Variants in CEBPZOS observed in about 807,000 individuals in gnomAD.
CEBPZOS encodes the protein protein CEBPZOS.
Under a neutral mutation model 4.8 loss-of-function variants are expected in CEBPZOS, and 10 were observed. The observed-to-expected ratio is 2.07, with a 90% CI of 1.28 to 3.52. The LOEUF is 3.52. Among genes scored for constraint, CEBPZOS ranks in the 30% most tolerant of loss-of-function variants. CEBPZOS has a pLI of 0.00. For synonymous variants in CEBPZOS, 25 were observed against 14.2 expected (o/e 1.77, Z -1.72); for missense variants, 98 against 43.6 (o/e 2.25, Z -3.51).
chr2:37,197,279 AG>A (rs1282499310), intron 1 of CEBPZOS: 2 of 152,242 alleles, frequency 1.3e-5, no homozygotes, highest in Non-Finnish European at 2.9e-5. Context: ...TCTGTAGCAA[AG>A]GAACTTGAAG....
chr2:37,210,945 T>G, intron 4 of CEBPZOS: 2 of 1,264,578 alleles, frequency 1.6e-6, no homozygotes, highest in Non-Finnish European at 2.2e-6. Context: ...AAAATGATAA[T>G]GACACCTTTC....
chr2:37,214,136 A>T (rs1677808571), downstream of CEBPZOS, among the ~76,000 whole-genome samples: 1 of 152,220 alleles, frequency 6.6e-6, no homozygotes, highest in South Asian at 2.1e-4. Context: ...TAACTCAATA[A>T]AAAGTAGCTG....
In CEBPZOS at chr2:37,211,890, C is replaced by T. The variant is rs763933245; in HGVS notation, c.*3-1547C>T. ...ATCTAACACATCCATGAATGTTCCTCCATCTTCATCAACTTCAGCAAATTC... is the reference window on the plus strand; with the variant it reads ...ATCTAACACATCCATGAATGTTCCTTCATCTTCATCAACTTCAGCAAATTC... On this transcript the variant is annotated intron_variant, in intron 4 of 4. Coordinates refer to the CEBPZOS transcript ENST00000397064. 6 of 1,611,466 alleles carry T rather than the reference C, an allele frequency of 3.7e-6. No homozygotes were observed. The East Asian group carries it at 1.3e-4, about 36-fold the overall frequency.
chr2:37,197,101 AG>A (rs1676982405), intron 1 of CEBPZOS, among the ~76,000 whole-genome samples: 1 of 152,206 alleles, frequency 6.6e-6, no homozygotes, highest in Non-Finnish European at 1.5e-5. Flanking sequence ...CATGACACAC[AG>A]CCCTGCGCCG....
downstream of CEBPZOS, chr2:37,216,152 G>A (rs779593212): frequency 3.5e-5 from 57 of 1,610,876 alleles, no homozygotes; most frequent in Non-Finnish European, 4.4e-5. Flanking sequence ...GGAAGATGAC[G>A]AATATCCTTA....
At position 37,204,562 on chromosome 2, in the gene CEBPZOS, C is replaced by T. The variant is rs1677462455; in HGVS notation, c.*2702C>T. 6.6e-6 allele frequency: 1 copy of T among 152,336 alleles called. No homozygotes were observed. The highest frequency in any genetic ancestry group is 1.5e-5 in the Non-Finnish European group (1 of 68,138). 9.4% of individuals were successfully genotyped at this position (152,336 alleles called of 1,614,324 possible). The stretch of plus-strand genomic sequence containing the variant: ...AAGTGCTGGGATTACAGGCGTGAGC[C>T]ACTGCGCCCAGCCATTTTTGATTTT... On this transcript the variant is annotated 3_prime_UTR_variant, in exon 5 of 5. Transcript: ENST00000402297.
downstream of CEBPZOS, among the ~76,000 whole-genome samples, chr2:37,207,656 T>C (rs574598900): frequency 6.6e-6 from 1 of 152,306 alleles, no homozygotes; most frequent in East Asian, 1.9e-4. Context: ...AAAGCGGCAC[T>C]ACATTTAGTA....
At chr2:37,199,984 C>A (rs1677138909) in intron 2 of CEBPZOS, among the ~76,000 whole-genome samples, 165 bp downstream of exon 2, 1 of 152,162 alleles carries the variant, frequency 6.6e-6, no homozygotes, top group Admixed American at 6.5e-5. Flanking sequence ...TTATTGTGGA[C>A]TAGATCACTC....
At chr2:37,211,730 A>C (rs967430348) in intron 4 of CEBPZOS, 18 of 715,826 alleles carry the variant, frequency 2.5e-5, no homozygotes, top group Non-Finnish European at 3.7e-5. Flanking sequence ...TCTGGCTGAC[A>C]TGAGTATTAA....
rs201350166 is a variant in CEBPZOS at position 37,202,775 on chromosome 2, G to C, written c.*915G>C. Reference sequence around the variant, plus strand: ...TTAAAACATCAATAAAAAAATTTAAGTTACTTACTTGCATTATCTTTGTTA... The same window carrying C: ...TTAAAACATCAATAAAAAAATTTAACTTACTTACTTGCATTATCTTTGTTA... On this transcript the variant is annotated 3_prime_UTR_variant, in exon 5 of 5. Coordinates refer to ENST00000402297, the MANE Select transcript of CEBPZOS (RefSeq NM_001322374.2). 2 of 1,472,234 alleles carry C rather than the reference G, an allele frequency of 1.4e-6. No individual in the cohort carries two copies. Among genetic ancestry groups the C allele is most frequent in the South Asian group, 2.7e-5 (2 of 75,088 alleles). The allele number at this position is 1,472,234 out of a possible 1,614,324, so 91.2% of individuals were successfully genotyped here.
chr2:37,210,225 T>G (rs1284467152), intron 4 of CEBPZOS: 1 of 152,200 alleles, frequency 6.6e-6, no homozygotes, highest in Admixed American at 6.5e-5. Context: ...TGGAGAGTCC[T>G]TAAAGAACTG....
chr2:37,210,850 A>G (rs1677698228), intron 4 of CEBPZOS: 5 of 493,994 alleles, frequency 1.0e-5, no homozygotes, highest in Non-Finnish European at 1.8e-5. Flanking sequence ...AAATGTGGAA[A>G]ATAATTTCCA....
chr2:37,207,986 A>C (rs1677595560), downstream of CEBPZOS, among the ~76,000 whole-genome samples: 1 of 152,194 alleles, frequency 6.6e-6, no homozygotes, highest in Non-Finnish European at 1.5e-5. Context: ...GATACCACAG[A>C]AATACAAAAG....
chr2:37,205,397 TCCTGGCTCAA>T (rs1677501798), downstream of CEBPZOS, among the ~76,000 whole-genome samples: 1 of 152,170 alleles, frequency 6.6e-6, no homozygotes, highest in South Asian at 2.1e-4. Context: ...TCCTGGCTCA[TCCTGGCTCAA>T]AAGCTCCCCT....
chr2:37,206,537 T>C (rs557274097), downstream of CEBPZOS, among the ~76,000 whole-genome samples: 47 of 152,310 alleles, frequency 3.1e-4, no homozygotes, highest in African/African-American at 1.0e-3. Context: ...TTTGTATTTT[T>C]TGTAGAGATA....
rs963379055 is a variant in CEBPZOS at position 37,196,521 on chromosome 2, G to A, written c.-2+1G>A. On this transcript the variant is annotated splice_donor_variant, in intron 1 of 4. Coordinates refer to ENST00000402297, the MANE Select transcript of CEBPZOS (RefSeq NM_001322374.2). LOFTEE classifies it low-confidence loss of function (5UTR_SPLICE). ...GCAGTCCCCCTTGAACGCACCTCAG[G>A]TAAGACTCTGGCGAGTGGCTTCCCA... is the stretch of plus-strand genomic sequence containing the variant. 1 of 152,280 alleles carries A rather than the reference G, an allele frequency of 6.6e-6. No individual in the cohort carries two copies. Among genetic ancestry groups the A allele is most frequent in the Non-Finnish European group, 1.5e-5 (1 of 68,068 alleles). 9.4% of individuals were successfully genotyped at this position (152,280 alleles called of 1,614,324 possible).
intron 1 of CEBPZOS, among the ~76,000 whole-genome samples, chr2:37,197,813 C>T (rs1383251303): frequency 6.6e-6 from 1 of 152,076 alleles, no homozygotes; most frequent in African/African-American, 2.4e-5. Flanking sequence ...TTGCAGTGAG[C>T]CAGGATCGCA....
At chr2:37,214,114 C>T (rs1020285678), downstream of CEBPZOS, among the ~76,000 whole-genome samples, 8 of 152,038 alleles carry the variant, frequency 5.3e-5, no homozygotes, top group African/African-American at 1.4e-4. Flanking sequence ...ATCTAATATA[C>T]AAAAAATAGT....
downstream of CEBPZOS, among the ~76,000 whole-genome samples, chr2:37,207,062 C>T (rs1677563566): frequency 6.6e-6 from 1 of 152,134 alleles, no homozygotes; most frequent in Non-Finnish European, 1.5e-5. Flanking sequence ...CAAAGAGGGA[C>T]ATTACATACT....
Sources: gnomAD v4.1 joint callset for allele counts (sites outside exome capture counted in the v4.1 genomes callset) on GRCh38, gnomAD v4.1.1 for gene constraint, MANE v1.5 for transcripts, NCBI Gene and HGNC (gene_info 2026-07-23, HGNC 2026-07-21) for gene names.